SPTBN4: variants seen among roughly 807,000 people sequenced by gnomAD.
The protein encoded by SPTBN4 is spectrin beta chain, non-erythrocytic 4.
In SPTBN4, 96 loss-of-function variants were observed where a neutral mutation model predicts 277.8. The observed-to-expected ratio is 0.35, with a 90% CI of 0.29 to 0.41. The LOEUF (loss-of-function observed/expected upper bound fraction) is 0.41. Among genes scored for constraint, SPTBN4 ranks in the 10% least tolerant of loss-of-function variants. SPTBN4 has a pLI of 1.00. For synonymous variants in SPTBN4, 1,481 were observed against 1,580.3 expected, an observed-to-expected ratio of 0.94 and a Z score of 1.49; for missense variants, 3,006 against 3,595.7, an observed-to-expected ratio of 0.84 and a Z score of 4.19.
At position 40,554,563 on chromosome 19, in the gene SPTBN4, G is replaced by A; in HGVS notation, c.5001G>A (p.Glu1667=). 1 of 1,513,598 alleles carries A rather than the reference G, an allele frequency of 6.6e-7. No homozygotes were observed. Among genetic ancestry groups the A allele is most frequent in the Non-Finnish European group, 8.9e-7 (1 of 1,127,542 alleles). 93.8% of individuals were successfully genotyped at this position (1,513,598 alleles called of 1,614,324 possible). The part of the protein sequence containing the change: ...LQLLKKHLQL[E]QGVENYEESI... ...TGCTCAAGAAACACCTGCAGCTGGA[G>A]CAAGGCGTGGAGAACTACGAGGAAA... The change falls in exon 24 of 36, where the codon GAG becomes GAA. Residue 1667 remains glutamate, a synonymous_variant. Coordinates refer to ENST00000598249, the MANE Select transcript of SPTBN4 (RefSeq NM_020971.3). This position sits in a 1 kb window ranked among gnomAD's most constrained non-coding sequence, Gnocchi z 5.7.
chr19:40,503,745 TG>T, intron 11 of SPTBN4, 84 bp from the exon 12 acceptor site: 1 of 1,406,908 alleles, frequency 7.1e-7, no homozygotes. Context: ...GGTAATGGAG[TG>T]GGGAGTCCCC....
intron 2 of SPTBN4, among the ~76,000 whole-genome samples, chr19:40,475,971 G>A (rs1020295592): frequency 8.6e-5 from 13 of 151,862 alleles, no homozygotes; most frequent in Admixed American, 7.2e-4. Flanking sequence ...TCCTGAGCCC[G>A]GGAAGCAGAG....
rs199687704 is a variant in SPTBN4, at chr19:40,557,000, C to G, written c.5290-23C>G. 2.6e-5 allele frequency: 39 copies of G among 1,519,092 alleles called. No homozygotes were observed. In the South Asian group the frequency reaches 2.6e-4, roughly 10 times the overall value. 94.1% of individuals were successfully genotyped at this position (1,519,092 alleles called of 1,614,324 possible). On this transcript the variant is annotated intron_variant, in intron 25 of 35. Transcript: ENST00000598249. The stretch of plus-strand genomic sequence containing the variant: ...CCCCTTTGCTCACTTTGCTGTACCC[C>G]CCCCCCCACTTCCTGATGGCAGGTG...
At chr19:40,567,532 A>G in intron 30 of SPTBN4, 131 bp from the exon 31 acceptor site, 1 of 881,668 alleles carries the variant, frequency 1.1e-6, no homozygotes, top group South Asian at 2.1e-5. Context: ...ACAGGCCTGG[A>G]CACCTTGCTT....
intron 7 of SPTBN4, 61 bp downstream of exon 7, chr19:40,497,665 T>A (rs756093897): frequency 2.1e-5 from 28 of 1,362,824 alleles, no homozygotes; most frequent in African/African-American, 4.3e-5. Flanking sequence ...CCCAATGCCA[T>A]GTCACACTCA....
intron 2 of SPTBN4, among the ~76,000 whole-genome samples, chr19:40,486,231 C>T (rs1013300638): frequency 6.6e-6 from 1 of 151,614 alleles, no homozygotes; most frequent in Non-Finnish European, 1.5e-5. Flanking sequence ...GCAGAGGTTG[C>T]AATGAGCCAA....
chr19:40,546,457 A>G (rs79270549), intron 20 of SPTBN4, among the ~76,000 whole-genome samples: 1 of 152,040 alleles, frequency 6.6e-6, no homozygotes, highest in Non-Finnish European at 1.5e-5. Context: ...TTGTGTACCA[A>G]AAATTGTTCT....
rs748767389 is a variant in SPTBN4, at chr19:40,502,458, G to A, written c.1154G>A (p.Arg385His). 43 of 1,613,480 alleles carry A rather than the reference G, an allele frequency of 2.7e-5. No homozygotes were observed. Among genetic ancestry groups the A allele is most frequent in the East Asian group, 1.1e-4 (5 of 44,892 alleles). Residue 385 changes from arginine (R) to histidine (H), a missense_variant, in exon 10 of 36, where the codon CGT (arginine) becomes CAT (histidine). Arg to His is a conservative substitution (Grantham distance 29). Coordinates refer to ENST00000598249, the MANE Select transcript of SPTBN4 (RefSeq NM_020971.3). The surrounding 1 kb of genome is among the most constrained non-coding windows in gnomAD (Gnocchi z 4.9). ...CAGAGCAAACTGCGTGCCTGCAACC[G>A]TCGCCTCTTTGTGCCTCGGGAGGGC... ...SIQSKLRACNRRLFVPREGCG... is the reference protein window; with the variant it reads ...SIQSKLRACNHRLFVPREGCG...
chr19:40,572,200 C>T lies in SPTBN4; in HGVS notation c.7493+8C>T, dbSNP rs1025163776. ...GCATGTCTTCAAGCTCCAGTGAGCC[C>T]CCCAATGGGCAGGAGGGAGGGATCC... On this transcript the variant is annotated splice_region_variant and intron_variant, in intron 34 of 35. Transcript: ENST00000598249. 1.0e-5 allele frequency: 16 copies of T among 1,593,902 alleles called. No individual in the cohort carries two copies. Among genetic ancestry groups the T allele is most frequent in the Non-Finnish European group, 1.3e-5 (15 of 1,167,184 alleles).
chr19:40,570,378 A>G, intron 32 of SPTBN4, 58 bp from the exon 33 acceptor site: 1 of 1,290,534 alleles, frequency 7.7e-7, no homozygotes. Context: ...TCCCCCAAAC[A>G]GATGACCCCC....
rs1305984755 is a variant in SPTBN4, at chr19:40,524,909, C to T, written c.3857+1270C>T. ...GGCACTATTGTAGGTAGGCACTGAA[C>T]AAAACAACACCACCACCTCCAGCCA... On this transcript the variant is annotated intron_variant, in intron 17 of 35. Coordinates refer to ENST00000598249, the MANE Select transcript of SPTBN4 (RefSeq NM_020971.3). Among the ~76,000 whole-genome samples the T allele has an allele frequency of 2.0e-5, 3 of 152,224 alleles. 1 individual carries two copies. Among genetic ancestry groups the T allele is most frequent in the Admixed American group, 2.0e-4 (3 of 15,282 alleles).
Position 40,568,236 on chromosome 19 carries a change from G to A in SPTBN4, c.6910G>A (p.Glu2304Lys). Residue 2304 changes from glutamate (E) to lysine (K), a missense_variant, in exon 31 of 36, where the codon GAG (glutamate) becomes AAG (lysine). By Grantham distance (56) the Glu-to-Lys change is moderately conservative. Around this residue, in one of 5 missense-constraint regions of SPTBN4, gnomAD observed 630 missense variants for 677.6 expected, o/e 0.93. Transcript: ENST00000598249. ...GCGTGAGCGGCGCTTGGAGCGGCAGGAGTCCAGCGAACAGGAGATGCCCAT... is the reference window on the plus strand; with the variant it reads ...GCGTGAGCGGCGCTTGGAGCGGCAGAAGTCCAGCGAACAGGAGATGCCCAT... Reference protein sequence around the residue: ...ERRERRLERQESSEQEMPIRG... With the variant: ...ERRERRLERQKSSEQEMPIRG... 1 of 1,602,796 alleles carries A rather than the reference G, an allele frequency of 6.2e-7. No individual in the cohort carries two copies. The highest frequency in any genetic ancestry group is 8.5e-7 in the Non-Finnish European group (1 of 1,175,078).
chr19:40,469,963 T>A (rs564618582), intron 1 of SPTBN4, among the ~76,000 whole-genome samples: 1 of 151,112 alleles, frequency 6.6e-6, no homozygotes, highest in South Asian at 2.1e-4. Context: ...TTTTTTTAAA[T>A]AATTTTTTGT....
chr19:40,472,582 C>A, intron 1 of SPTBN4, 25 bp from the exon 2 acceptor site: 1 of 1,572,886 alleles, frequency 6.4e-7, no homozygotes. Flanking sequence ...GATCCTAGAC[C>A]TAACCTACCT....
At chr19:40,509,714 T>C (rs1162152212) in intron 13 of SPTBN4, among the ~76,000 whole-genome samples, 3 of 152,208 alleles carry the variant, frequency 2.0e-5, no homozygotes, top group Non-Finnish European at 2.9e-5. Context: ...GTTCTCCTCC[T>C]TTATCTGGAG....
chr19:40,538,424 G>A (rs1252356677), intron 20 of SPTBN4, among the ~76,000 whole-genome samples: 1 of 151,496 alleles, frequency 6.6e-6, no homozygotes, highest in African/African-American at 2.4e-5. Context: ...AAGAAAGAAC[G>A]GCAGCCAGAC....
Position 40,522,634 on chromosome 19 carries a change from G to A in SPTBN4, c.3655-803G>A, listed in dbSNP as rs539036190. On this transcript the variant is annotated intron_variant, in intron 16 of 35. Coordinates refer to ENST00000598249, the MANE Select transcript of SPTBN4 (RefSeq NM_020971.3). ...CCCAAAGTGCTGGGATTACAGGCAT[G>A]AGCCACCATGTCCGGCCTAATATTA... 7.2e-5 allele frequency among the ~76,000 whole-genome samples: 11 copies of A among 152,144 alleles called. No individual in the cohort carries two copies. In the South Asian group the frequency reaches 2.3e-3, roughly 32 times the overall value.
rs183837045 is a variant in SPTBN4 at position 40,518,211 on chromosome 19, C to T, written c.2904-1190C>T. Among the ~76,000 whole-genome samples the T allele has an allele frequency of 8.1e-3, 1,228 of 152,146 alleles. 9 individuals carry two copies. The highest frequency in any genetic ancestry group is 0.011 in the Non-Finnish European group (731 of 67,996). On this transcript the variant is annotated intron_variant, in intron 15 of 35. Coordinates refer to ENST00000598249, the MANE Select transcript of SPTBN4 (RefSeq NM_020971.3). ...ATCCCAGCTACTTGGGAGGCTGAGGCAGGAGAATCCCATGAACCTGGGAGG... is the reference window on the plus strand; with the variant it reads ...ATCCCAGCTACTTGGGAGGCTGAGGTAGGAGAATCCCATGAACCTGGGAGG...
At position 40,490,319 on chromosome 19, in the gene SPTBN4, A is replaced by G; in HGVS notation, c.495+71A>G. The G allele has an allele frequency of 6.6e-7, 1 of 1,511,496 alleles. No individual in the cohort carries two copies. Among genetic ancestry groups the G allele is most frequent in the Non-Finnish European group, 8.9e-7 (1 of 1,121,020 alleles). 93.6% of individuals were successfully genotyped at this position (1,511,496 alleles called of 1,614,324 possible). A position where few individuals can be genotyped will look rare whatever the true frequency, so the allele number is the denominator to read the frequency against. ...GGAAAGCGTTCCCCACCATTTACCCATTCATTCTTTCCTTCCAATAATATC... is the reference window on the plus strand; with the variant it reads ...GGAAAGCGTTCCCCACCATTTACCCGTTCATTCTTTCCTTCCAATAATATC... On this transcript the variant is annotated intron_variant, in intron 4 of 35. Transcript: ENST00000598249. The surrounding 1 kb of genome is among the most constrained non-coding windows in gnomAD (Gnocchi z 4.3).
Sources: allele counts gnomAD v4.1 joint callset (sites outside exome capture counted in the v4.1 genomes callset), GRCh38; gene constraint gnomAD v4.1.1; regional missense constraint gnomAD v4.1.1; non-coding constraint Gnocchi (gnomAD v3.1); transcripts MANE v1.5; gene names NCBI Gene and HGNC (gene_info 2026-07-23, HGNC 2026-07-21).